The following SLC15A1 variants were observed in gnomAD, a reference collection of about 807,000 sequenced individuals.
SLC15A1 encodes the protein solute carrier family 15 member 1.
Under a neutral mutation model 92.9 loss-of-function variants are expected in SLC15A1, and 83 were observed. The ratio of observed to expected loss-of-function variants is 0.89; its 90% CI spans 0.75 to 1.07. SLC15A1 has a LOEUF of 1.07. Ranked by LOEUF, SLC15A1 falls within the 50% of genes least tolerant of loss-of-function variation. The pLI, the probability that SLC15A1 is intolerant of heterozygous loss-of-function variation, is 0.00. For synonymous variants in SLC15A1, 322 were observed against 318.2 expected, an observed-to-expected ratio of 1.01 and a Z score of -0.13; for missense variants, 857 against 880.1, an observed-to-expected ratio of 0.97 and a Z score of 0.33.
At chr13:98,748,757 C>A (rs2088516871) in intron 1 of SLC15A1, among the ~76,000 whole-genome samples, 1 of 152,140 alleles carries the variant, frequency 6.6e-6, no homozygotes, top group Non-Finnish European at 1.5e-5. Flanking sequence ...GCAACATGTT[C>A]ACATGGGCAG....
chr13:98,705,369 C>T lies in SLC15A1; in HGVS notation c.1269+765G>A, dbSNP rs1191188957. On this transcript the variant is annotated intron_variant, in intron 16 of 22. Coordinates refer to ENST00000376503, the MANE Select transcript of SLC15A1 (RefSeq NM_005073.4). ...CTTGGCACTGTGAACATTTGGGTCA[C>T]GTAATCTTTGTTATGGAGAGCTGTA... Among the ~76,000 whole-genome samples, 6 of 152,112 alleles carry T rather than the reference C, an allele frequency of 3.9e-5. No homozygotes were observed. The South Asian group carries it at 8.3e-4, about 21-fold the overall frequency.
In SLC15A1 at chr13:98,742,101, G is replaced by C. The variant is rs552943211; in HGVS notation, c.4+10494C>G. Among the ~76,000 whole-genome samples, 77 of 152,330 alleles carry C rather than the reference G, an allele frequency of 5.1e-4. No homozygotes were observed. In the South Asian group the frequency reaches 0.016, roughly 31 times the overall value. ...CCTGAGTCTCAGCAGACGCCTGGTG[G>C]TCCTCCCAGAACACAAGAGAATGGG... On this transcript the variant is annotated intron_variant, in intron 1 of 22. Transcript: ENST00000376503.
rs371816137 is a variant in SLC15A1 at position 98,724,091 on chromosome 13, C to T, written c.246-60G>A. 1.3e-4 allele frequency: 208 copies of T among 1,599,082 alleles called. 1 individual carries two copies. In the East Asian group the frequency reaches 3.0e-3, roughly 23 times the overall value. ...TTGCACAATAGCCATCCACTTTTGA[C>T]TCCACCACAAAAGACCCCCTCCTTG... On this transcript the variant is annotated intron_variant, in intron 4 of 22. Coordinates refer to ENST00000376503, the MANE Select transcript of SLC15A1 (RefSeq NM_005073.4).
rs543669646 is a variant in SLC15A1 at position 98,752,276 on chromosome 13, C to T, written c.4+319G>A. ...CCGCCCCTGCCGTCACCCGCTGGGT[C>T]CCGTCCCGCTCCAAGCGCACTCCCG... On this transcript the variant is annotated intron_variant, in intron 1 of 22. Transcript: ENST00000376503. Among the ~76,000 whole-genome samples the T allele has an allele frequency of 1.4e-4, 21 of 152,392 alleles. 1 individual carries two copies. In the East Asian group the frequency reaches 4.0e-3, roughly 29 times the overall value.
chr13:98,705,950 C>T (rs532157230), intron 16 of SLC15A1, among the ~76,000 whole-genome samples, 184 bp downstream of exon 16: 7 of 151,592 alleles, frequency 4.6e-5, no homozygotes, highest in African/African-American at 1.7e-4. Context: ...AATCTGCATA[C>T]ACAACAAACA....
intron 1 of SLC15A1, among the ~76,000 whole-genome samples, chr13:98,752,260 C>CCGT (rs1278942215): frequency 1.3e-5 from 2 of 152,270 alleles, no homozygotes; most frequent in African/African-American, 4.8e-5. Context: ...GCCGCCCCTG[C>CCGT]CGTCACCCGC....
Position 98,726,380 on chromosome 13 carries a change from A to T in SLC15A1, c.91T>A (p.Tyr31Asn). Residue 31 changes from tyrosine (Y) to asparagine (N), a missense_variant, in exon 3 of 23, where the codon TAT (tyrosine) becomes AAT (asparagine). Coordinates refer to ENST00000376503, the MANE Select transcript of SLC15A1 (RefSeq NM_005073.4). ...VNEFCERFSY[Y>N]GMRAILILYF... ...CCAATACAGTTACCTCGCATTCCAT[A>T]GTAGGAAAATCTTTCGCAAAACTCA... is the stretch of plus-strand genomic sequence containing the variant. 1 of 1,614,220 alleles carries T rather than the reference A, an allele frequency of 6.2e-7. No homozygotes were observed. The highest frequency in any genetic ancestry group is 8.5e-7 in the Non-Finnish European group (1 of 1,180,036).
chr13:98,716,028 C>A lies in SLC15A1; in HGVS notation c.641-68G>T, dbSNP rs543310058. ...GAGCGCCCTGTGGCCTAGAGAGATG[C>A]GCCTTTATTTGAATTATAACTTTGT... On this transcript the variant is annotated intron_variant, in intron 8 of 22. Coordinates refer to ENST00000376503, the MANE Select transcript of SLC15A1 (RefSeq NM_005073.4). 27 of 1,271,412 alleles carry A rather than the reference C, an allele frequency of 2.1e-5. No homozygotes were observed. The East Asian group carries it at 2.8e-4, about 13-fold the overall frequency. The allele number at this position is 1,271,412 out of a possible 1,614,324, so 78.8% of individuals were successfully genotyped here.
At chr13:98,708,641 TA>T in intron 15 of SLC15A1, 44 bp downstream of exon 15, 1 of 1,543,324 alleles carries the variant, frequency 6.5e-7, no homozygotes, top group Non-Finnish European at 8.9e-7. Context: ...ACGCTCCACC[TA>T]AATCCACCAG....
At position 98,709,759 on chromosome 13, in the gene SLC15A1, G is replaced by T; in HGVS notation, c.961C>A (p.Gln321Lys). The change falls in exon 13 of 23, where the codon CAG (glutamine) becomes AAG (lysine). Residue 321 changes from glutamine to lysine, a missense_variant. Gln to Lys is a moderately conservative substitution (Grantham distance 53). Transcript: ENST00000376503. The stretch of plus-strand genomic sequence containing the variant: ...TCTTCTACCTGCATCTGATCGGGCT[G>T]AATTTCAAGAGCTCCCTAAAAAGAG... ...MSGKIGALEI[Q>K]PDQMQTVNAI... 6.2e-7 allele frequency: 1 copy of T among 1,614,172 alleles called. No individual in the cohort carries two copies. Among genetic ancestry groups the T allele is most frequent in the South Asian group, 1.1e-5 (1 of 91,088 alleles).
intron 15 of SLC15A1, among the ~76,000 whole-genome samples, chr13:98,707,375 C>G (rs191264439): frequency 6.6e-6 from 1 of 152,222 alleles, no homozygotes; most frequent in Admixed American, 6.5e-5. Flanking sequence ...AGACAATATA[C>G]TAAGTGAAAT....
At chr13:98,716,178 A>G (rs950604666) in intron 8 of SLC15A1, among the ~76,000 whole-genome samples, 7 of 152,178 alleles carry the variant, frequency 4.6e-5, no homozygotes, top group African/African-American at 7.2e-5. Flanking sequence ...CTAATATGCA[A>G]CCTGTAAGCC....
intron 21 of SLC15A1, among the ~76,000 whole-genome samples, chr13:98,686,973 T>G (rs1188893858): frequency 9.9e-5 from 14 of 141,084 alleles, no homozygotes; most frequent in Non-Finnish European, 1.5e-4. Context: ...TTTGAGATGG[T>G]GTCTTGCTCT....
At chr13:98,726,036 A>C (rs1355523044) in intron 4 of SLC15A1, 87 bp downstream of exon 4, 1 of 1,506,650 alleles carries the variant, frequency 6.6e-7, no homozygotes, top group Non-Finnish European at 9.0e-7. Flanking sequence ...TCTTTGATTC[A>C]TCATTCCCAG....
At chr13:98,745,427 T>G (rs2088484806) in intron 1 of SLC15A1, among the ~76,000 whole-genome samples, 1 of 152,148 alleles carries the variant, frequency 6.6e-6, no homozygotes, top group African/African-American at 2.4e-5. Flanking sequence ...CACATCCTTC[T>G]CAATCTCAGA....
Position 98,712,728 on chromosome 13 carries a change from C to T in SLC15A1, c.724-144G>A, listed in dbSNP as rs568722449. The T allele has an allele frequency of 2.6e-5, 15 of 584,284 alleles. No homozygotes were observed. In the South Asian group the frequency reaches 3.4e-4, roughly 13 times the overall value. The allele number at this position is 584,284 out of a possible 1,614,324, so 36.2% of individuals were successfully genotyped here. A position where few individuals can be genotyped will look rare whatever the true frequency, so the allele number is the denominator to read the frequency against. On this transcript the variant is annotated intron_variant, in intron 9 of 22. Transcript: ENST00000376503. Reference sequence around the variant, plus strand: ...AATTGTATCTACTAGTATATGAGTACTTATTTCTATTAATAGTCTCTGTCC... The same window carrying T: ...AATTGTATCTACTAGTATATGAGTATTTATTTCTATTAATAGTCTCTGTCC...
At chr13:98,740,582 C>A (rs2088436123) in intron 1 of SLC15A1, among the ~76,000 whole-genome samples, 1 of 152,278 alleles carries the variant, frequency 6.6e-6, no homozygotes, top group East Asian at 1.9e-4. Flanking sequence ...ATCCTCTCTC[C>A]TTTCTCAGGG....
intron 18 of SLC15A1, among the ~76,000 whole-genome samples, chr13:98,693,646 AT>A (rs1425555985): frequency 1.3e-5 from 2 of 152,090 alleles, no homozygotes; most frequent in African/African-American, 4.8e-5. Context: ...ATTTGTAAAT[AT>A]TTTCTCTCAT....
chr13:98,747,035 C>A (rs1187373421), intron 1 of SLC15A1, among the ~76,000 whole-genome samples: 1 of 152,184 alleles, frequency 6.6e-6, no homozygotes, highest in African/African-American at 2.4e-5. Context: ...GTGGCCCCCC[C>A]CACCCCGGCT....
Sources: gnomAD v4.1 joint callset for allele counts (sites outside exome capture counted in the v4.1 genomes callset) on GRCh38, gnomAD v4.1.1 for gene constraint, MANE v1.5 for transcripts, NCBI Gene and HGNC (gene_info 2026-07-23, HGNC 2026-07-21) for gene names.